The following LMBRD1 variants were observed in gnomAD, a reference collection of about 807,000 sequenced individuals.
LMBRD1 encodes LMBR1 domain containing 1.
Under a neutral mutation model 74.8 loss-of-function variants are expected in LMBRD1, and 64 were observed. That is an observed-to-expected ratio of 0.86 (90% CI 0.70 to 1.05). The LOEUF is 1.05. Ranked by LOEUF, LMBRD1 falls within the 50% of genes least tolerant of loss-of-function variation. The pLI is 0.00. For synonymous variants in LMBRD1, 204 were observed against 216.3 expected, an observed-to-expected ratio of 0.94 and a Z score of 0.50; for missense variants, 652 against 645.9, an observed-to-expected ratio of 1.01 and a Z score of -0.10.
rs879202032 is a variant in LMBRD1 at position 69,746,824 on chromosome 6, C to T, written c.473+2517G>A. The T allele has an allele frequency of 5.4e-5, 9 of 167,832 alleles. No homozygotes were observed. The South Asian group carries it at 1.4e-3, about 27-fold the overall frequency. The allele number at this position is 167,832 out of a possible 1,614,324, so 10.4% of individuals were successfully genotyped here. A position where few individuals can be genotyped will look rare whatever the true frequency, so the allele number is the denominator to read the frequency against. On this transcript the variant is annotated intron_variant, in intron 5 of 15. Transcript: ENST00000649934. ...GCTACAGCAACAGGGTGGTGGAACT[C>T]ATGTTCCACCCGGCTTCCAAGGGGT... is the stretch of plus-strand genomic sequence containing the variant.
At chr6:69,788,831 A>G (rs2149897082) in intron 2 of LMBRD1, among the ~76,000 whole-genome samples, 1 of 152,348 alleles carries the variant, frequency 6.6e-6, no homozygotes, top group East Asian at 1.9e-4. Flanking sequence ...CCATCTTCCC[A>G]AGAAACCTCA....
At position 69,674,327 on chromosome 6, in the gene LMBRD1, A is replaced by G. The variant is rs1337185561; in HGVS notation, c.*1831T>C. ...CCAGGGGACAAGATTTCAACATATGAATTGTAAGGGGACACAATTCAGCCT... is the reference window on the plus strand; with the variant it reads ...CCAGGGGACAAGATTTCAACATATGGATTGTAAGGGGACACAATTCAGCCT... On this transcript the variant is annotated 3_prime_UTR_variant, in exon 16 of 16. Transcript: ENST00000649934. Among the ~76,000 whole-genome samples, 1 of 152,216 alleles carries G rather than the reference A, an allele frequency of 6.6e-6. No homozygotes were observed. The highest frequency in any genetic ancestry group is 1.5e-5 in the Non-Finnish European group (1 of 68,040).
intron 5 of LMBRD1, chr6:69,745,791 A>G (rs1273176025): frequency 2.0e-5 from 3 of 152,572 alleles, no homozygotes; most frequent in African/African-American, 4.8e-5. Flanking sequence ...CTAAAAATTC[A>G]TATGTTGCTG....
At chr6:69,692,331 T>A (rs1033242242) in intron 14 of LMBRD1, among the ~76,000 whole-genome samples, 2 of 152,116 alleles carry the variant, frequency 1.3e-5, no homozygotes, top group African/African-American at 4.8e-5. Flanking sequence ...ATATGCTTAA[T>A]CAGAATAAAA....
intron 13 of LMBRD1, among the ~76,000 whole-genome samples, chr6:69,698,304 AGAAT>A (rs897829306): frequency 6.6e-5 from 10 of 152,076 alleles, no homozygotes; most frequent in African/African-American, 2.4e-4. Context: ...AAGTAAAGAA[AGAAT>A]GAAGGAAGAA....
At chr6:69,760,083 C>A (rs1289554328) in intron 3 of LMBRD1, among the ~76,000 whole-genome samples, 1 of 152,166 alleles carries the variant, frequency 6.6e-6, no homozygotes, top group Non-Finnish European at 1.5e-5. Flanking sequence ...AGCAAAATAG[C>A]TTGTCATTAT....
At chr6:69,730,010 T>C (rs950297774) in intron 7 of LMBRD1, among the ~76,000 whole-genome samples, 1 of 151,982 alleles carries the variant, frequency 6.6e-6, no homozygotes, top group African/African-American at 2.4e-5. Context: ...ACAAAACTTT[T>C]ATTACTTACT....
chr6:69,724,421 A>G (rs1033226889), intron 7 of LMBRD1, among the ~76,000 whole-genome samples: 2 of 147,200 alleles, frequency 1.4e-5, no homozygotes, highest in Non-Finnish European at 3.0e-5. Flanking sequence ...ATATATTAGC[A>G]AACCAAATTC....
intron 9 of LMBRD1, among the ~76,000 whole-genome samples, chr6:69,713,118 A>C (rs897512075): frequency 6.6e-6 from 1 of 152,130 alleles, no homozygotes; most frequent in Non-Finnish European, 1.5e-5. Flanking sequence ...AGAGCCTAGA[A>C]ATAAATCCAC....
intron 7 of LMBRD1, among the ~76,000 whole-genome samples, chr6:69,721,428 A>G (rs569800304): frequency 2.6e-5 from 4 of 152,304 alleles, no homozygotes; most frequent in African/African-American, 9.6e-5. Flanking sequence ...CAGAGTCGTC[A>G]GGCCCCCATT....
intron 3 of LMBRD1, 136 bp from the exon 4 acceptor site, chr6:69,752,492 A>G (rs1562112849): frequency 4.4e-6 from 3 of 679,886 alleles, no homozygotes; most frequent in Non-Finnish European, 7.5e-6. Context: ...CTCTTTCTAT[A>G]TAGTACATGA....
chr6:69,759,614 T>C (rs908170696), intron 3 of LMBRD1, among the ~76,000 whole-genome samples: 1 of 152,090 alleles, frequency 6.6e-6, no homozygotes, highest in Non-Finnish European at 1.5e-5. Flanking sequence ...TGATATCTTA[T>C]AGATACTTCT....
chr6:69,769,461 C>A (rs1474660953), intron 3 of LMBRD1, among the ~76,000 whole-genome samples: 1 of 152,142 alleles, frequency 6.6e-6, no homozygotes, highest in East Asian at 1.9e-4. Context: ...GCTTTGAAGT[C>A]TTTGTCTGCT....
At chr6:69,747,760 G>C (rs957528046) in intron 5 of LMBRD1, among the ~76,000 whole-genome samples, 7 of 152,166 alleles carry the variant, frequency 4.6e-5, no homozygotes, top group African/African-American at 1.7e-4. Context: ...CAACACATAA[G>C]TGTTTCAAAA....
chr6:69,751,799 T>C (rs1765164522), intron 4 of LMBRD1, among the ~76,000 whole-genome samples: 1 of 152,226 alleles, frequency 6.6e-6, no homozygotes, highest in Non-Finnish European at 1.5e-5. Flanking sequence ...AACACTATAA[T>C]GGCAGACTTG....
intron 14 of LMBRD1, among the ~76,000 whole-genome samples, chr6:69,686,914 C>G (rs1225591009): frequency 6.6e-6 from 1 of 152,124 alleles, no homozygotes; most frequent in African/African-American, 2.4e-5. Flanking sequence ...AATGGAAGAG[C>G]TGAGTGGTTA....
intron 8 of LMBRD1, among the ~76,000 whole-genome samples, chr6:69,714,889 G>A (rs939192820): frequency 6.6e-6 from 1 of 152,040 alleles, no homozygotes; most frequent in Non-Finnish European, 1.5e-5. Flanking sequence ...CACTTGGAAA[G>A]TTTGTTAAAT....
At chr6:69,717,695 G>T (rs1031770826) in intron 8 of LMBRD1, among the ~76,000 whole-genome samples, 1 of 151,948 alleles carries the variant, frequency 6.6e-6, no homozygotes, top group Admixed American at 6.6e-5. Context: ...GCTACTTTTT[G>T]TTTGTTTGTT....
chr6:69,770,330 C>G (rs1403963307), intron 3 of LMBRD1, among the ~76,000 whole-genome samples: 1 of 152,176 alleles, frequency 6.6e-6, no homozygotes, highest in Non-Finnish European at 1.5e-5. Context: ...GGAAACATAA[C>G]AGCCCTAGGC....
Sources: allele counts gnomAD v4.1 joint callset (sites outside exome capture counted in the v4.1 genomes callset), GRCh38; gene constraint gnomAD v4.1.1; transcripts MANE v1.5; gene names NCBI Gene and HGNC (gene_info 2026-07-23, HGNC 2026-07-21).